TNRC6B: variants seen among roughly 807,000 people sequenced by gnomAD.
TNRC6B encodes trinucleotide repeat-containing gene 6B protein.
A neutral mutation model predicts 203.6 loss-of-function variants in TNRC6B; 52 were observed. The observed-to-expected ratio is 0.26, with a 90% CI of 0.20 to 0.32. The LOEUF (loss-of-function observed/expected upper bound fraction) is 0.32, where lower values mean the gene tolerates loss of function less well. TNRC6B is among the 10% of genes least tolerant of loss of function. TNRC6B has a pLI of 1.00. For missense variants in TNRC6B, 1,923 were observed against 2,286.2 expected, an observed-to-expected ratio of 0.84 and a Z score of 3.24; for synonymous variants, 838 against 845.7, an observed-to-expected ratio of 0.99 and a Z score of 0.16.
chr22:40,226,784 C>T (rs1173060011), intron 1 of TNRC6B, among the ~76,000 whole-genome samples: 2 of 152,212 alleles, frequency 1.3e-5, no homozygotes, highest in Non-Finnish European at 2.9e-5. Flanking sequence ...TGTGCATATG[C>T]AGCCCTGACA....
chr22:40,317,026 G>C (rs1569067799), intron 21 of TNRC6B, among the ~76,000 whole-genome samples: 1 of 152,158 alleles, frequency 6.6e-6, no homozygotes, highest in East Asian at 1.9e-4. Flanking sequence ...AGTGGAAAAG[G>C]GAGTATTTTA....
chr22:40,163,183 A>T (rs901347614), intron 4 of TNRC6B, among the ~76,000 whole-genome samples: 1 of 148,882 alleles, frequency 6.7e-6, no homozygotes, highest in Non-Finnish European at 1.5e-5. Flanking sequence ...GGAGGGAGAG[A>T]TGGGAGGATT....
At chr22:40,209,340 G>T (rs188764336) in intron 1 of TNRC6B, among the ~76,000 whole-genome samples, 3 of 152,148 alleles carry the variant, frequency 2.0e-5, no homozygotes, top group East Asian at 3.9e-4. Flanking sequence ...TTTCTTCCTA[G>T]CCTGTCTGAA....
intron 1 of TNRC6B, among the ~76,000 whole-genome samples, chr22:40,048,696 G>T (rs1200027797): frequency 3.3e-5 from 5 of 151,866 alleles, no homozygotes. Flanking sequence ...TGTGTTTACA[G>T]TTCTGTGAAT....
rs2068281557 is a variant in TNRC6B, at chr22:40,106,213, G to A, written c.-120-10842G>A. Reference sequence around the variant, plus strand: ...GCCTTTTATTGGTTTTATGTTGCCTGCTTTTTCATTTTCTCGAGGTTGTCT... The same window carrying A: ...GCCTTTTATTGGTTTTATGTTGCCTACTTTTTCATTTTCTCGAGGTTGTCT... On this transcript the variant is annotated intron_variant, in intron 1 of 23. Transcript: ENST00000301923. The A allele has an allele frequency of 9.3e-6, 3 of 322,502 alleles. No individual in the cohort carries two copies. The South Asian group carries it at 1.2e-4, about 13-fold the overall frequency. The allele number at this position is 322,502 out of a possible 1,614,324, so 20.0% of individuals were successfully genotyped here.
chr22:40,059,503 C>G (rs1001919465), intron 1 of TNRC6B, among the ~76,000 whole-genome samples: 5 of 152,110 alleles, frequency 3.3e-5, no homozygotes, highest in Non-Finnish European at 7.3e-5. Flanking sequence ...AGAAGTGATA[C>G]GAGTGGGCAT....
At chr22:40,192,696 G>A (rs1338227163) in intron 1 of TNRC6B, among the ~76,000 whole-genome samples, 1 of 152,164 alleles carries the variant, frequency 6.6e-6, no homozygotes, top group African/African-American at 2.4e-5. Flanking sequence ...GAAAGAGGGA[G>A]GGATCCTAGA....
rs371373440 is a variant in TNRC6B at position 40,312,563 on chromosome 22, C to G, written c.4494C>G (p.Pro1498=). 8.1e-6 allele frequency: 13 copies of G among 1,613,936 alleles called. No individual in the cohort carries two copies. The highest frequency in any genetic ancestry group is 1.7e-5 in the Admixed American group (1 of 59,984). Residue 1498 remains proline (P), a synonymous_variant, in exon 18 of 23, where the codon CCC becomes CCG. Transcript: ENST00000454349. ...GIQNIDPESD[P]YVTPGSVLGG... ...AAAACATTGACCCTGAATCTGACCC[C>G]TATGTCACCCCAGGAAGTGTGCTGG...
chr22:40,300,939 A>G lies in TNRC6B; in HGVS notation c.3870A>G (p.Gln1290=). 2.5e-6 allele frequency: 4 copies of G among 1,613,626 alleles called. No homozygotes were observed. The highest frequency in any genetic ancestry group is 3.3e-4 in the Middle Eastern group (2 of 6,062). ...LACQLLLQQQ[Q]QQQLLQNQRK... ...GTCAGCTTCTCTTGCAGCAGCAGCA[A>G]CAGCAGCAGTTGTTACAGAACCAGA... Residue 1290 remains glutamine, a synonymous_variant, in exon 14 of 23, where the codon CAA becomes CAG. Transcript: ENST00000454349.
At chr22:40,304,348 C>G (rs185957611) in intron 15 of TNRC6B, among the ~76,000 whole-genome samples, 1 of 152,062 alleles carries the variant, frequency 6.6e-6, no homozygotes, top group Non-Finnish European at 1.5e-5. Context: ...AGGTTGAGTG[C>G]GTGGCTCATG....
At chr22:40,129,040 T>A (rs183068438) in intron 3 of TNRC6B, among the ~76,000 whole-genome samples, 7 of 152,214 alleles carry the variant, frequency 4.6e-5, no homozygotes, top group Admixed American at 3.3e-4. Flanking sequence ...GGAAGGTCTC[T>A]CTGAGACGGG....
intron 4 of TNRC6B, among the ~76,000 whole-genome samples, chr22:40,172,273 A>G (rs934458566): frequency 2.6e-5 from 4 of 152,186 alleles, no homozygotes; most frequent in South Asian, 2.1e-4. Flanking sequence ...CAGTTATTCT[A>G]TATCCTGTCA....
chr22:40,048,560 T>A (rs199908275), intron 1 of TNRC6B, among the ~76,000 whole-genome samples: 17 of 148,730 alleles, frequency 1.1e-4, no homozygotes, highest in African/African-American at 2.0e-4. Context: ...AAAAAAAAAA[T>A]TTCCAAAACT....
At chr22:40,309,495 C>G (rs748128400) in intron 16 of TNRC6B, among the ~76,000 whole-genome samples, 4 of 152,158 alleles carry the variant, frequency 2.6e-5, no homozygotes, top group Non-Finnish European at 5.9e-5. Context: ...GCCTGCCATC[C>G]CTAAGCATTA....
At chr22:40,169,045 AG>A (rs2068945859) in intron 4 of TNRC6B, among the ~76,000 whole-genome samples, 1 of 151,808 alleles carries the variant, frequency 6.6e-6, no homozygotes, top group Non-Finnish European at 1.5e-5. Flanking sequence ...GTCCTAGCAT[AG>A]TACCTACTAC....
chr22:40,085,051 C>G (rs973757992), intron 1 of TNRC6B, among the ~76,000 whole-genome samples: 1 of 152,192 alleles, frequency 6.6e-6, no homozygotes, highest in African/African-American at 2.4e-5. Flanking sequence ...TTGTAGAGCA[C>G]TTGCTCTGAG....
At chr22:40,071,782 C>A (rs1249332692) in intron 1 of TNRC6B, among the ~76,000 whole-genome samples, 1 of 152,170 alleles carries the variant, frequency 6.6e-6, no homozygotes, top group Non-Finnish European at 1.5e-5. Flanking sequence ...ATGGCCTTTT[C>A]TGTGTTAACT....
At chr22:40,249,364 G>C (rs994940786) in intron 2 of TNRC6B, among the ~76,000 whole-genome samples, 7 of 152,218 alleles carry the variant, frequency 4.6e-5, no homozygotes, top group African/African-American at 1.7e-4. Flanking sequence ...CCTCCACACA[G>C]AAATTAAGCA....
chr22:40,315,293 T>G lies in TNRC6B; in HGVS notation c.4689T>G (p.Pro1563=), dbSNP rs998131354. Residue 1563 remains proline (P), a synonymous_variant, in exon 20 of 23, where the codon CCT becomes CCG. Coordinates refer to ENST00000454349, the MANE Select transcript of TNRC6B (RefSeq NM_001162501.2). ...TTTCTCTTCTTACAGCAAAGTTCCC[T>G]GATTACAAATCAACATGGTCCCCAG... ...TNVHSTSAKF[P]DYKSTWSPDP... is the part of the protein sequence containing the mutation. The G allele has an allele frequency of 5.0e-6, 8 of 1,613,986 alleles. No individual in the cohort carries two copies. The Admixed American group carries it at 1.2e-4, about 24-fold the overall frequency.
Sources: gnomAD v4.1 joint callset for allele counts (sites outside exome capture counted in the v4.1 genomes callset) on GRCh38, gnomAD v4.1.1 for gene constraint, MANE v1.5 for transcripts, NCBI Gene and HGNC (gene_info 2026-07-23, HGNC 2026-07-21) for gene names.